PPP2R3C: variants seen among roughly 807,000 people sequenced by gnomAD.
PPP2R3C encodes serine/threonine-protein phosphatase 2A regulatory subunit B'' subunit gamma.
In PPP2R3C, 47 loss-of-function variants were observed where a neutral mutation model predicts 63.7. The ratio of observed to expected loss-of-function variants is 0.74; its 90% CI spans 0.58 to 0.94. The LOEUF (loss-of-function observed/expected upper bound fraction) is 0.94, where lower values mean the gene tolerates loss of function less well. Among genes scored for constraint, PPP2R3C ranks in the 40% least tolerant of loss-of-function variants. The pLI is 0.00. For synonymous variants in PPP2R3C, 180 were observed against 177.4 expected (o/e 1.01, Z -0.12); for missense variants, 421 against 518.4 (o/e 0.81, Z 1.82).
intron 6 of PPP2R3C, among the ~76,000 whole-genome samples, chr14:35,105,106 T>G (rs887013637): frequency 6.6e-6 from 1 of 151,846 alleles, no homozygotes; most frequent in Non-Finnish European, 1.5e-5. Flanking sequence ...AGTGACACAT[T>G]AATATCACTC....
intron 5 of PPP2R3C, 68 bp downstream of exon 5, chr14:35,108,071 T>A (rs775283288): frequency 6.4e-7 from 1 of 1,566,888 alleles, no homozygotes; most frequent in African/African-American, 1.4e-5. Flanking sequence ...GAAATACTTA[T>A]AAAAGCACAG....
At chr14:35,122,107 G>A, upstream of PPP2R3C, 4 of 753,202 alleles carry the variant, frequency 5.3e-6, no homozygotes, top group East Asian at 2.7e-5. Flanking sequence ...CTTGGCTAAA[G>A]AGGCAAAAAC....
chr14:35,114,690 C>T (rs2046657422), intron 2 of PPP2R3C, among the ~76,000 whole-genome samples: 1 of 151,016 alleles, frequency 6.6e-6, no homozygotes, highest in Non-Finnish European at 1.5e-5. Context: ...AAAAATAGAC[C>T]TCTAAAAAAA....
chr14:35,088,520 C>T (rs1428417557), intron 11 of PPP2R3C, among the ~76,000 whole-genome samples: 1 of 152,186 alleles, frequency 6.6e-6, no homozygotes, highest in Non-Finnish European at 1.5e-5. Context: ...AATGAAGAAA[C>T]TGCTGTCATC....
intron 6 of PPP2R3C, among the ~76,000 whole-genome samples, chr14:35,105,570 CAT>C (rs949454768): frequency 1.1e-4 from 17 of 151,838 alleles, no homozygotes; most frequent in African/African-American, 3.1e-4. Context: ...TTTAGTAACA[CAT>C]GTCATTTGTT....
At chr14:35,098,330 TC>T (rs2046068207) in intron 7 of PPP2R3C, among the ~76,000 whole-genome samples, 1 of 147,344 alleles carries the variant, frequency 6.8e-6, no homozygotes, top group Non-Finnish European at 1.5e-5. Context: ...CAGCCGTGTG[TC>T]ACTACGCCTG....
At chr14:35,086,103 A>G (rs1014947902) in intron 12 of PPP2R3C, 2 of 236,924 alleles carry the variant, frequency 8.4e-6, no homozygotes, top group Non-Finnish European at 1.6e-5. Flanking sequence ...TATCTAATGC[A>G]GTGTTCAGGG....
At chr14:35,113,948 T>G (rs1366447972) in intron 2 of PPP2R3C, among the ~76,000 whole-genome samples, 1 of 152,154 alleles carries the variant, frequency 6.6e-6, no homozygotes, top group African/African-American at 2.4e-5. Flanking sequence ...CTCTCCCTTT[T>G]GCATTGAGAA....
At chr14:35,111,494 A>G (rs1420552667) in intron 2 of PPP2R3C, among the ~76,000 whole-genome samples, 1 of 152,218 alleles carries the variant, frequency 6.6e-6, no homozygotes, top group East Asian at 1.9e-4. Context: ...TCCCAAAACT[A>G]AACTGCCTTT....
intron 2 of PPP2R3C, among the ~76,000 whole-genome samples, chr14:35,111,016 A>C (rs1023836976): frequency 1.3e-5 from 2 of 151,602 alleles, no homozygotes; most frequent in Non-Finnish European, 3.0e-5. Context: ...AGGCAGGCGG[A>C]TCATGAAGTC....
At chr14:35,097,685 T>C (rs576630097) in intron 7 of PPP2R3C, among the ~76,000 whole-genome samples, 145 of 152,230 alleles carry the variant, frequency 9.5e-4, no homozygotes, top group African/African-American at 3.3e-3. Flanking sequence ...GGTTTCACTA[T>C]GTTGGCCAGG....
chr14:35,089,689 T>G (rs1406684235), intron 11 of PPP2R3C, among the ~76,000 whole-genome samples: 1 of 151,724 alleles, frequency 6.6e-6, no homozygotes, highest in Non-Finnish European at 1.5e-5. Context: ...TTTTTGAGAC[T>G]CAGTCTCGCT....
intron 4 of PPP2R3C, among the ~76,000 whole-genome samples, chr14:35,108,947 A>G (rs1367995585): frequency 6.6e-6 from 1 of 151,848 alleles, no homozygotes; most frequent in Non-Finnish European, 1.5e-5. Context: ...TTTTTTAATT[A>G]AAAGTTTTTT....
rs1442623302 is a variant in PPP2R3C, at chr14:35,109,733, G to C, written c.404+86C>G. 2.7e-6 allele frequency: 3 copies of C among 1,110,958 alleles called. No homozygotes were observed. In the African/African-American group the frequency reaches 4.7e-5, roughly 18 times the overall value. The allele number at this position is 1,110,958 out of a possible 1,614,324, so 68.8% of individuals were successfully genotyped here. On this transcript the variant is annotated intron_variant, in intron 4 of 12. Coordinates refer to ENST00000261475, the MANE Select transcript of PPP2R3C (RefSeq NM_017917.4). Reference sequence around the variant, plus strand: ...AGCCTCCAAAACTGCTGGGATTACAGGTGTGAGCCACTGTGCCCAGCCAAT... The same window carrying C: ...AGCCTCCAAAACTGCTGGGATTACACGTGTGAGCCACTGTGCCCAGCCAAT...
intron 9 of PPP2R3C, among the ~76,000 whole-genome samples, chr14:35,095,522 T>C (rs1300531172): frequency 6.6e-6 from 1 of 152,070 alleles, no homozygotes; most frequent in East Asian, 1.9e-4. Flanking sequence ...ACTGAAATGC[T>C]AGCACTTGAA....
At chr14:35,116,382 G>C (rs1337754908) in intron 2 of PPP2R3C, among the ~76,000 whole-genome samples, 2 of 152,050 alleles carry the variant, frequency 1.3e-5, no homozygotes, top group Admixed American at 6.6e-5. Flanking sequence ...CTCCTGAGAA[G>C]CTAGGACTAC....
intron 1 of PPP2R3C, among the ~76,000 whole-genome samples, chr14:35,118,117 G>T (rs1566429358): frequency 1.3e-5 from 2 of 152,188 alleles, no homozygotes; most frequent in African/African-American, 4.8e-5. Flanking sequence ...GACCACTGAA[G>T]TTAACAATAT....
Position 35,099,328 on chromosome 14 carries a change from C to T in PPP2R3C, c.630G>A (p.Leu210=). Reference sequence around the variant, plus strand: ...CATAAAAGGAGTAGAAAGATTTTTCCAGACCATCTAATTGTGGCAACGTAG... The same window carrying T: ...CATAAAAGGAGTAGAAAGATTTTTCTAGACCATCTAATTGTGGCAACGTAG... The part of the protein sequence containing the change: ...LIPTLPQLDG[L]EKSFYSFYVC... Residue 210 remains leucine (L), a synonymous_variant, in exon 7 of 13, where the codon CTG becomes CTA. Coordinates refer to ENST00000261475, the MANE Select transcript of PPP2R3C (RefSeq NM_017917.4). 1 of 1,603,284 alleles carries T rather than the reference C, an allele frequency of 6.2e-7. No homozygotes were observed.
At chr14:35,106,670 T>C (rs1262545318) in intron 6 of PPP2R3C, among the ~76,000 whole-genome samples, 3 of 146,302 alleles carry the variant, frequency 2.1e-5, no homozygotes, top group African/African-American at 7.6e-5. Flanking sequence ...TACATTTTTT[T>C]TTTTTTTTTT....
Sources: allele counts gnomAD v4.1 joint callset (sites outside exome capture counted in the v4.1 genomes callset), GRCh38; gene constraint gnomAD v4.1.1; transcripts MANE v1.5; gene names NCBI Gene and HGNC (gene_info 2026-07-23, HGNC 2026-07-21).